SDK2: variants seen among roughly 807,000 people sequenced by gnomAD.
SDK2 encodes protein sidekick-2.
A neutral mutation model predicts 253.9 loss-of-function variants in SDK2; 105 were observed. The observed-to-expected ratio is 0.41, with a 90% confidence interval of 0.35 to 0.49. The LOEUF is 0.49. SDK2 is among the 20% of genes least tolerant of loss of function. SDK2 has a pLI of 0.06. For missense variants in SDK2, 2,608 were observed against 3,003.0 expected (o/e 0.87, Z 3.07); for synonymous variants, 1,249 against 1,234.9 (o/e 1.01, Z -0.24).
chr17:73,454,402 G>C (rs1273731888), intron 4 of SDK2, among the ~76,000 whole-genome samples: 3 of 152,240 alleles, frequency 2.0e-5, no homozygotes, highest in Non-Finnish European at 2.9e-5. Context: ...TGCAGCTCCA[G>C]TGCTGACCAG....
chr17:73,479,246 C>T (rs149744866), intron 2 of SDK2, among the ~76,000 whole-genome samples: 303 of 152,346 alleles, frequency 2.0e-3, no homozygotes, highest in Middle Eastern at 0.017. Context: ...CAGCAGTGGG[C>T]CACTGAGCTC....
chr17:73,437,794 T>G lies in SDK2; in HGVS notation c.945A>C (p.Glu315Asp), dbSNP rs1220221752. Residue 315 changes from glutamate (E) to aspartate (D), a missense_variant, in exon 8 of 45, where the codon GAA (glutamate) becomes GAC (aspartate). This residue lies in a region of SDK2 where 1,505 missense variants were observed against 1,859.1 expected (regional missense o/e 0.81). Transcript: ENST00000392650. ...LEPPQFVKEP[E>D]RHITAEMEKV... ...TCTCCATCTCCGCAGTGATGTGTCT[T>G]TCTGGCTCCTTGACAAACTGAGGCG... 6 of 1,613,914 alleles carry G rather than the reference T, an allele frequency of 3.7e-6. No homozygotes were observed. In the African/African-American group the frequency reaches 8.0e-5, roughly 22 times the overall value.
At chr17:73,385,281 G>C (rs1371268368) in intron 32 of SDK2, among the ~76,000 whole-genome samples, 1 of 152,194 alleles carries the variant, frequency 6.6e-6, no homozygotes, top group Non-Finnish European at 1.5e-5. Context: ...GTTTGCCCAT[G>C]GTCTTCCCCA....
At chr17:73,421,573 CTTTTTT>C (rs36068491) in intron 15 of SDK2, among the ~76,000 whole-genome samples, 17 of 90,772 alleles carry the variant, frequency 1.9e-4, no homozygotes, top group Admixed American at 7.6e-4. Context: ...CAATTTCCAT[CTTTTTT>C]TTTTTTTTTT....
chr17:73,412,048 ATATACG>A (rs1568389311), intron 18 of SDK2, among the ~76,000 whole-genome samples: 229 of 7,116 alleles, frequency 0.032, 2 homozygotes, highest in Middle Eastern at 0.1. Flanking sequence ...ATATATATGT[ATATACG>A]TATATGTATA....
intron 36 of SDK2, among the ~76,000 whole-genome samples, chr17:73,372,944 T>A (rs2062748769): frequency 6.6e-6 from 1 of 152,196 alleles, no homozygotes; most frequent in Admixed American, 6.5e-5. Context: ...TCATTAACTA[T>A]CATCACCATG....
intron 2 of SDK2, among the ~76,000 whole-genome samples, chr17:73,483,155 T>C (rs1370897377): frequency 6.6e-6 from 1 of 151,904 alleles, no homozygotes; most frequent in Non-Finnish European, 1.5e-5. Context: ...TTGTTTTTGC[T>C]TCACAATCCA....
chr17:73,460,974 C>T (rs1252146129), intron 3 of SDK2, among the ~76,000 whole-genome samples: 2 of 152,216 alleles, frequency 1.3e-5, no homozygotes, highest in African/African-American at 4.8e-5. Context: ...GAAATGAAGG[C>T]TCATGGAGAT....
rs1343705527 is a variant in SDK2, at chr17:73,395,141, TG to T, written c.3592+13del. The T allele has an allele frequency of 6.4e-7, 1 of 1,566,870 alleles. No individual in the cohort carries two copies. Among genetic ancestry groups the T allele is most frequent in the Non-Finnish European group, 8.6e-7 (1 of 1,157,370 alleles). ...GGACAGGCAGCAGGGTGGCTGGGTG[TG>T]AGGGGTTGGTACCTGACTCCCGGGT... On this transcript the variant is annotated intron_variant, in intron 25 of 44. Coordinates refer to ENST00000392650, the MANE Select transcript of SDK2 (RefSeq NM_001144952.2). The surrounding 1 kb of genome is among the most constrained non-coding windows in gnomAD (Gnocchi z 4.3).
In SDK2 at chr17:73,402,133, G is replaced by C. The variant is rs765423400; in HGVS notation, c.2493C>G (p.Ala831=). 1 of 1,613,482 alleles carries C rather than the reference G, an allele frequency of 6.2e-7. No individual in the cohort carries two copies. The highest frequency in any genetic ancestry group is 8.5e-7 in the Non-Finnish European group (1 of 1,179,542). ...CCTCCTCTTCCTGTTCCGGCTCCCA[G>C]GCGATCAGCTGCGGAGAGGCGAGCA... ...NGINQGYKLI[A]WEPEQEEEVT... The change falls in exon 19 of 45, where the codon GCC becomes GCG. Residue 831 remains alanine (A), a synonymous_variant. Transcript: ENST00000392650.
chr17:73,489,242 G>A (rs1461087522), intron 2 of SDK2, among the ~76,000 whole-genome samples: 5 of 152,184 alleles, frequency 3.3e-5, no homozygotes, highest in Admixed American at 3.3e-4. Flanking sequence ...TTCATTTCCT[G>A]TTGCTACCCA....
chr17:73,490,486 G>A (rs1258320609), intron 2 of SDK2, among the ~76,000 whole-genome samples: 2 of 150,516 alleles, frequency 1.3e-5, no homozygotes, highest in East Asian at 3.9e-4. Context: ...TATAAAATAG[G>A]AGTTGTAACA....
At chr17:73,351,986 G>T (rs2062542851) in intron 41 of SDK2, among the ~76,000 whole-genome samples, 1 of 152,002 alleles carries the variant, frequency 6.6e-6, no homozygotes, top group Non-Finnish European at 1.5e-5. Context: ...TGCGCTCCAA[G>T]ACATGCCAGA....
intron 3 of SDK2, among the ~76,000 whole-genome samples, chr17:73,462,544 G>A (rs892792604): frequency 6.6e-6 from 1 of 152,080 alleles, no homozygotes; most frequent in African/African-American, 2.4e-5. Context: ...GGTTGTATAT[G>A]TTTGTATGCA....
In SDK2 at chr17:73,601,900, T is replaced by C. The variant is rs8074925; in HGVS notation, c.64+42125A>G. 2.8e-3 allele frequency among the ~76,000 whole-genome samples: 429 copies of C among 152,256 alleles called. 3 individuals are homozygous for C. The highest frequency in any genetic ancestry group is 9.9e-3 in the African/African-American group (413 of 41,560). ...CTGGGATTACAGGCACCCAGCACCATGCCCGGCTAATTTTTGTATCTTTAG... is the reference window on the plus strand; with the variant it reads ...CTGGGATTACAGGCACCCAGCACCACGCCCGGCTAATTTTTGTATCTTTAG... On this transcript the variant is annotated intron_variant, in intron 1 of 44. Coordinates refer to ENST00000392650, the MANE Select transcript of SDK2 (RefSeq NM_001144952.2).
At chr17:73,524,137 C>T (rs12949243) in intron 1 of SDK2, among the ~76,000 whole-genome samples, 6,886 of 152,208 alleles carry the variant, frequency 0.045, 166 homozygotes, top group Middle Eastern at 0.12. Context: ...CCTCCCTGGC[C>T]CCAGAATCAT....
At chr17:73,551,628 C>T (rs1480123931) in intron 1 of SDK2, among the ~76,000 whole-genome samples, 1 of 152,178 alleles carries the variant, frequency 6.6e-6, no homozygotes, top group Non-Finnish European at 1.5e-5. Context: ...TTTCTCCTTC[C>T]CTCCCCTCCT....
chr17:73,460,492 T>C (rs2063556438), intron 3 of SDK2, among the ~76,000 whole-genome samples: 1 of 152,206 alleles, frequency 6.6e-6, no homozygotes, highest in Admixed American at 6.5e-5. Flanking sequence ...GGTAGTTTGT[T>C]ACATAGCCAT....
intron 1 of SDK2, among the ~76,000 whole-genome samples, chr17:73,589,786 C>G (rs866153098): frequency 1.1e-4 from 17 of 152,248 alleles, no homozygotes. Context: ...GCAAGCCGCA[C>G]ATTTGGTTTT....
Sources: gnomAD v4.1 joint callset for allele counts (sites outside exome capture counted in the v4.1 genomes callset) on GRCh38, gnomAD v4.1.1 for gene constraint, gnomAD v4.1.1 regional missense constraint, Gnocchi (gnomAD v3.1) non-coding constraint, MANE v1.5 for transcripts, NCBI Gene and HGNC (gene_info 2026-07-23, HGNC 2026-07-21) for gene names.